The following DNM1L variants were observed in gnomAD, a reference collection of about 807,000 sequenced individuals.
The protein encoded by DNM1L is dynamin 1L.
DNM1L carries 33 observed loss-of-function variants against 92.8 expected under a neutral mutation model. The observed-to-expected ratio is 0.36, with a 90% CI of 0.27 to 0.48. DNM1L has a LOEUF of 0.48. Ranked by LOEUF, DNM1L falls within the 20% of genes least tolerant of loss-of-function variation. The pLI is 0.99. For missense variants in DNM1L, 485 were observed against 888.8 expected, an observed-to-expected ratio of 0.55 and a Z score of 5.78; for synonymous variants, 284 against 305.0, an observed-to-expected ratio of 0.93 and a Z score of 0.72.
intron 18 of DNM1L, among the ~76,000 whole-genome samples, chr12:32,741,331 G>A (rs1955272357): frequency 6.6e-6 from 1 of 152,186 alleles, no homozygotes; most frequent in Admixed American, 6.5e-5. Context: ...TGTCGCCCAG[G>A]CTGGGGTGCA....
intron 9 of DNM1L, chr12:32,727,530 A>G (rs1954229558): frequency 7.4e-6 from 4 of 543,324 alleles, no homozygotes; most frequent in Non-Finnish European, 6.5e-6. Flanking sequence ...CTGAAAATGG[A>G]AAAAAAAACC....
intron 9 of DNM1L, among the ~76,000 whole-genome samples, chr12:32,724,573 C>G (rs996748912): frequency 1.7e-5 from 1 of 59,060 alleles, no homozygotes; most frequent in African/African-American, 7.5e-5. Context: ...GAGACTCTAT[C>G]TCCAAAAAAA....
intron 6 of DNM1L, 67 bp from the exon 7 acceptor site, chr12:32,718,576 A>G: frequency 1.2e-6 from 2 of 1,601,664 alleles, no homozygotes; most frequent in Non-Finnish European, 1.7e-6. Flanking sequence ...TATTAACACT[A>G]AATAGTTGTA....
rs1039126845 is a variant in DNM1L, at chr12:32,731,906, G to T, written c.1409G>T (p.Cys470Phe). Residue 470 changes from cysteine to phenylalanine, a missense_variant, in exon 12 of 20, where the codon TGT (cysteine) becomes TTT (phenylalanine). Transcript: ENST00000549701. The surrounding 1 kb of genome is among the most constrained non-coding windows in gnomAD (Gnocchi z 5.1). The part of the protein sequence containing the change: ...LHDAIVEVVT[C>F]LLRKRLPVTN... ...GATGCCATAGTTGAAGTGGTGACTTGTCTTCTTCGTAAAAGGTTGCCTGTT... is the reference window on the plus strand; with the variant it reads ...GATGCCATAGTTGAAGTGGTGACTTTTCTTCTTCGTAAAAGGTTGCCTGTT... The T allele has an allele frequency of 2.5e-6, 4 of 1,613,850 alleles. No homozygotes were observed. The highest frequency in any genetic ancestry group is 1.3e-5 in the African/African-American group (1 of 74,906).
rs1488837657 is a variant in DNM1L, at chr12:32,708,144, A to T, written c.298-9A>T. On this transcript the variant is annotated splice_polypyrimidine_tract_variant and intron_variant, in intron 3 of 19. Transcript: ENST00000549701. ...GAATATTATGCTTTTTTATTTCAAA[A>T]ATTTTTAGCTTTACACGGATTTTGA... 6.4e-7 allele frequency: 1 copy of T among 1,571,334 alleles called. No individual in the cohort carries two copies. Among genetic ancestry groups the T allele is most frequent in the Non-Finnish European group, 8.7e-7 (1 of 1,143,194 alleles).
chr12:32,727,579 T>G, intron 9 of DNM1L: 1 of 517,970 alleles, frequency 1.9e-6, no homozygotes. Context: ...TCCTAAAATT[T>G]GGCATTGACC....
intron 1 of DNM1L, among the ~76,000 whole-genome samples, chr12:32,687,214 T>A (rs536877673): frequency 1.3e-5 from 2 of 152,214 alleles, no homozygotes; most frequent in South Asian, 4.1e-4. Context: ...TCCAAAGCCG[T>A]GAAGATTTTT....
intron 1 of DNM1L, 79 bp downstream of exon 1, chr12:32,679,544 G>A: frequency 1.4e-6 from 2 of 1,455,188 alleles, no homozygotes; most frequent in Non-Finnish European, 1.9e-6. Context: ...GCCCACTCCC[G>A]CGCCAGCGCC....
intron 9 of DNM1L, chr12:32,727,364 T>C (rs1724738976): frequency 2.6e-6 from 2 of 781,564 alleles, no homozygotes; most frequent in Admixed American, 1.7e-5. Context: ...AGGTTGTCAA[T>C]GTCTGCCATG....
At chr12:32,733,949 G>T in intron 13 of DNM1L, 142 bp downstream of exon 13, 2 of 710,678 alleles carry the variant, frequency 2.8e-6, no homozygotes. Context: ...ATATGCTGAG[G>T]GGATTACATT....
chr12:32,718,780 G>A lies in DNM1L; in HGVS notation c.740+17G>A. 1 of 1,612,846 alleles carries A rather than the reference G, an allele frequency of 6.2e-7. No individual in the cohort carries two copies. The highest frequency in any genetic ancestry group is 1.1e-5 in the South Asian group (1 of 90,958). ...AGTTAACAGGTTAGCAGTTAGAATG[G>A]GATAAGAATTGGGATAAGCATTCTT... is the stretch of plus-strand genomic sequence containing the variant. On this transcript the variant is annotated intron_variant, in intron 7 of 19. Coordinates refer to ENST00000549701, the MANE Select transcript of DNM1L (RefSeq NM_012062.5).
intron 1 of DNM1L, among the ~76,000 whole-genome samples, chr12:32,682,260 A>G (rs1468940357): frequency 2.0e-5 from 3 of 151,814 alleles, no homozygotes; most frequent in African/African-American, 4.8e-5. Flanking sequence ...AGCCTCCCAC[A>G]TAGCTGGGAT....
At chr12:32,713,487 GATA>G in intron 6 of DNM1L, 116 bp downstream of exon 6, 2 of 1,136,960 alleles carry the variant, frequency 1.8e-6, no homozygotes, top group East Asian at 5.0e-5. Flanking sequence ...AAATTTAAAA[GATA>G]ATGCTTTCCT....
chr12:32,688,810 A>G (rs1952122634), intron 1 of DNM1L, among the ~76,000 whole-genome samples: 2 of 152,322 alleles, frequency 1.3e-5, no homozygotes, highest in East Asian at 3.9e-4. Context: ...CACTGGACCT[A>G]TAGTTTTATA....
intron 16 of DNM1L, chr12:32,739,755 G>T: frequency 3.0e-6 from 1 of 328,346 alleles, no homozygotes; most frequent in Non-Finnish European, 5.7e-6. Flanking sequence ...CTACAATTTA[G>T]TGTTTGAAGG....
chr12:32,731,975 A>G lies in DNM1L; in HGVS notation c.1446+32A>G. ...TACTATAGCATAGATCATTGTAATT[A>G]CTATTAGTAAAAGTTTAAATTTTTG... On this transcript the variant is annotated intron_variant, in intron 12 of 19. Transcript: ENST00000549701. This position sits in a 1 kb window ranked among gnomAD's most constrained non-coding sequence, Gnocchi z 5.1. 2 of 1,538,658 alleles carry G rather than the reference A, an allele frequency of 1.3e-6. No individual in the cohort carries two copies. Among genetic ancestry groups the G allele is most frequent in the Non-Finnish European group, 1.8e-6 (2 of 1,112,426 alleles).
intron 4 of DNM1L, 61 bp from the exon 5 acceptor site, chr12:32,710,868 A>G: frequency 7.8e-7 from 1 of 1,278,530 alleles, no homozygotes; most frequent in South Asian, 1.4e-5. Context: ...ATGTACTTGA[A>G]ATGAAGTTTA....
chr12:32,742,873 G>T, intron 19 of DNM1L, 125 bp downstream of exon 19: 4 of 727,282 alleles, frequency 5.5e-6, no homozygotes, highest in Admixed American at 3.0e-5. Context: ...TTTCCTGTTG[G>T]TACTTGATAA....
rs1338506225 is a variant in DNM1L at position 32,733,739 on chromosome 12, C to T, written c.1471C>T (p.Leu491=). The part of the protein sequence containing the change: ...EMVHNLVAIE[L]AYINTKHPDF... Reference sequence around the variant, plus strand: ...GGTCCATAACTTAGTGGCAATTGAACTGGCTTATATCAACACAAAACATCC... The same window carrying T: ...GGTCCATAACTTAGTGGCAATTGAATTGGCTTATATCAACACAAAACATCC... Residue 491 remains leucine, a synonymous_variant, in exon 13 of 20, where the codon CTG becomes TTG. Transcript: ENST00000549701. 2 of 1,613,788 alleles carry T rather than the reference C, an allele frequency of 1.2e-6. No homozygotes were observed. The highest frequency in any genetic ancestry group is 1.7e-6 in the Non-Finnish European group (2 of 1,179,922).
Sources: gnomAD v4.1 joint callset for allele counts (sites outside exome capture counted in the v4.1 genomes callset) on GRCh38, gnomAD v4.1.1 for gene constraint, Gnocchi (gnomAD v3.1) non-coding constraint, MANE v1.5 for transcripts, NCBI Gene and HGNC (gene_info 2026-07-23, HGNC 2026-07-21) for gene names.